The following CSMD1 variants were observed in gnomAD, a reference collection of about 807,000 sequenced individuals.
CSMD1 encodes CUB and sushi domain-containing protein 1.
A neutral mutation model predicts 417.5 loss-of-function variants in CSMD1; 213 were observed. That is an observed-to-expected ratio of 0.51 (90% CI 0.46 to 0.57). CSMD1 has a LOEUF of 0.57. CSMD1 is among the 20% of genes least tolerant of loss of function. The pLI is 0.00. For missense variants in CSMD1, 6,923 were observed against 4,529.7 expected (o/e 1.53, Z -15.17); for synonymous variants, 2,862 against 1,736.8 (o/e 1.65, Z -16.11).
At chr8:4,934,491 AG>A (rs1807466319) in intron 1 of CSMD1, among the ~76,000 whole-genome samples, 1 of 152,204 alleles carries the variant, frequency 6.6e-6, no homozygotes. Flanking sequence ...GAAAATACGA[AG>A]AGCTTATCAG....
intron 3 of CSMD1, among the ~76,000 whole-genome samples, chr8:4,379,639 T>G (rs1188940818): frequency 1.3e-5 from 2 of 152,220 alleles, no homozygotes; most frequent in African/African-American, 4.8e-5. Context: ...AACACCAAAA[T>G]GAGTCTGCTG....
chr8:3,331,336 C>T (rs1806883668), intron 23 of CSMD1, among the ~76,000 whole-genome samples: 1 of 152,074 alleles, frequency 6.6e-6, no homozygotes, highest in Non-Finnish European at 1.5e-5. Context: ...ATCATGTAAC[C>T]AGAGGCACTG....
intron 3 of CSMD1, among the ~76,000 whole-genome samples, chr8:4,334,590 T>C (rs949457811): frequency 6.6e-6 from 1 of 152,170 alleles, no homozygotes; most frequent in Non-Finnish European, 1.5e-5. Context: ...CATCTCTATT[T>C]TTATTTCTCT....
intron 17 of CSMD1, among the ~76,000 whole-genome samples, chr8:3,394,787 T>G (rs1811586622): frequency 6.6e-6 from 1 of 152,194 alleles, no homozygotes; most frequent in Non-Finnish European, 1.5e-5. Flanking sequence ...TTCCTGGTTC[T>G]TAAATTTTAC....
At chr8:4,295,115 C>G (rs867287286) in intron 3 of CSMD1, among the ~76,000 whole-genome samples, 1 of 87,352 alleles carries the variant, frequency 1.1e-5, no homozygotes, top group Non-Finnish European at 2.9e-5. Flanking sequence ...CTTAAGATTA[C>G]ACACATATAA....
chr8:4,010,919 G>T (rs1370683913), intron 4 of CSMD1, among the ~76,000 whole-genome samples: 1 of 152,022 alleles, frequency 6.6e-6, no homozygotes, highest in African/African-American at 2.4e-5. Flanking sequence ...TACATATATG[G>T]CCATAATCCT....
rs1797231579 is a variant in CSMD1, at chr8:4,162,490, GT to G, written c.416-130392del. Among the ~76,000 whole-genome samples, 4 of 152,226 alleles carry G rather than the reference GT, an allele frequency of 2.6e-5. No homozygotes were observed. In the South Asian group the frequency reaches 8.3e-4, roughly 32 times the overall value. ...AAAATTTAAGCCAGTTTGATGAACA[GT>G]TTTGATCCTCATAAATCTAACTTGC... On this transcript the variant is annotated intron_variant, in intron 3 of 69. Coordinates refer to ENST00000635120, the MANE Select transcript of CSMD1 (RefSeq NM_033225.6).
At chr8:4,483,231 T>G (rs1801199776) in intron 2 of CSMD1, among the ~76,000 whole-genome samples, 1 of 152,210 alleles carries the variant, frequency 6.6e-6, no homozygotes, top group Non-Finnish European at 1.5e-5. Context: ...GCCTTTCACC[T>G]TCCACCATGA....
At chr8:4,042,561 G>A (rs987311276) in intron 3 of CSMD1, among the ~76,000 whole-genome samples, 3 of 152,004 alleles carry the variant, frequency 2.0e-5, no homozygotes, top group African/African-American at 4.8e-5. Flanking sequence ...AGTCATTCCA[G>A]CGGAAGGTAA....
chr8:3,129,160 G>C (rs528710670), intron 41 of CSMD1, among the ~76,000 whole-genome samples: 1 of 152,170 alleles, frequency 6.6e-6, no homozygotes, highest in South Asian at 2.1e-4. Context: ...CTCCTACGTG[G>C]GAATGCAGGA....
chr8:2,961,767 C>T (rs1171435358), intron 61 of CSMD1, among the ~76,000 whole-genome samples: 1 of 152,160 alleles, frequency 6.6e-6, no homozygotes, highest in Non-Finnish European at 1.5e-5. Flanking sequence ...CTACAGTTAC[C>T]AGTAGAAAAA....
intron 3 of CSMD1, among the ~76,000 whole-genome samples, chr8:4,069,528 G>C (rs1395467725): frequency 1.3e-5 from 2 of 152,130 alleles, no homozygotes; most frequent in Admixed American, 6.6e-5. Context: ...TCGATGATTT[G>C]TTCTTACCAC....
intron 3 of CSMD1, among the ~76,000 whole-genome samples, chr8:4,276,142 A>T (rs939807511): frequency 1.3e-5 from 2 of 152,206 alleles, no homozygotes; most frequent in African/African-American, 4.8e-5. Flanking sequence ...AAGGGTTATA[A>T]ATCATTATGC....
intron 5 of CSMD1, among the ~76,000 whole-genome samples, chr8:3,787,397 C>A (rs62479730): frequency 1.3e-3 from 199 of 152,182 alleles, no homozygotes; most frequent in Non-Finnish European, 2.1e-3. Context: ...AACCAGGATT[C>A]TCCTGTTTTG....
chr8:3,437,615 T>C (rs1298614252), intron 12 of CSMD1, among the ~76,000 whole-genome samples: 2 of 152,242 alleles, frequency 1.3e-5, no homozygotes, highest in African/African-American at 4.8e-5. Context: ...GAGTAGATTC[T>C]CTTCTTTACA....
intron 2 of CSMD1, among the ~76,000 whole-genome samples, chr8:4,515,739 G>C (rs1022068007): frequency 6.6e-6 from 1 of 152,118 alleles, no homozygotes; most frequent in Admixed American, 6.5e-5. Flanking sequence ...TAGAGCCCAG[G>C]GTAGTCTGGA....
At chr8:3,468,050 T>A (rs1377367961) in intron 12 of CSMD1, among the ~76,000 whole-genome samples, 4 of 152,196 alleles carry the variant, frequency 2.6e-5, no homozygotes, top group Non-Finnish European at 5.9e-5. Flanking sequence ...TAAGATATTT[T>A]AAAAACTATT....
intron 1 of CSMD1, among the ~76,000 whole-genome samples, chr8:4,692,271 G>C (rs960660852): frequency 1.3e-5 from 2 of 151,954 alleles, no homozygotes; most frequent in African/African-American, 4.8e-5. Flanking sequence ...TAAGATGTAC[G>C]TTTTCTTAGT....
chr8:3,722,912 A>ATT (rs1486780401), intron 6 of CSMD1, among the ~76,000 whole-genome samples: 2 of 69,960 alleles, frequency 2.9e-5, no homozygotes, highest in African/African-American at 7.6e-5. Context: ...CTAGCAAACT[A>ATT]TTGTGTGTGT....
Sources: allele counts gnomAD v4.1 joint callset (sites outside exome capture counted in the v4.1 genomes callset), GRCh38; gene constraint gnomAD v4.1.1; transcripts MANE v1.5; gene names NCBI Gene and HGNC (gene_info 2026-07-23, HGNC 2026-07-21).